Variants in COG5 observed in about 807,000 individuals in gnomAD.
COG5 encodes the protein conserved oligomeric Golgi complex subunit 5.
COG5 carries 86 observed loss-of-function variants against 110.4 expected under a neutral mutation model. The ratio of observed to expected loss-of-function variants is 0.78; its 90% CI spans 0.65 to 0.93. COG5 has a LOEUF of 0.93. Ranked by LOEUF, COG5 falls within the 40% of genes least tolerant of loss-of-function variation. COG5 has a pLI of 0.00. For missense variants in COG5, 1,077 were observed against 987.0 expected, an observed-to-expected ratio of 1.09 and a Z score of -1.22; for synonymous variants, 360 against 334.6, an observed-to-expected ratio of 1.08 and a Z score of -0.83.
At chr7:107,227,988 G>A (rs551508334) in intron 19 of COG5, among the ~76,000 whole-genome samples, 1 of 152,050 alleles carries the variant, frequency 6.6e-6, no homozygotes, top group Admixed American at 6.5e-5. Context: ...TGGGACTGGG[G>A]CTATAAAAAA....
intron 10 of COG5, among the ~76,000 whole-genome samples, chr7:107,358,609 C>T (rs1317871319): frequency 6.6e-6 from 1 of 152,006 alleles, no homozygotes; most frequent in African/African-American, 2.4e-5. Context: ...TGAGAAGGAC[C>T]CCATAATTCT....
chr7:107,513,161 T>TAATATCCAGAATCTAC (rs1799658916), intron 6 of COG5, among the ~76,000 whole-genome samples: 1 of 152,092 alleles, frequency 6.6e-6, no homozygotes, highest in Admixed American at 6.5e-5. Context: ...GACAAAGGGC[T>TAATATCCAGAATCTAC]AATATCCAGA....
At chr7:107,466,467 G>T (rs1161876030) in intron 6 of COG5, among the ~76,000 whole-genome samples, 1 of 152,154 alleles carries the variant, frequency 6.6e-6, no homozygotes, top group Non-Finnish European at 1.5e-5. Context: ...GGAAGGATGG[G>T]AAAGAATGGC....
chr7:107,506,454 G>A (rs747744191), intron 6 of COG5, among the ~76,000 whole-genome samples: 4 of 152,186 alleles, frequency 2.6e-5, no homozygotes, highest in Non-Finnish European at 4.4e-5. Flanking sequence ...AGTGGGGCAA[G>A]CAGCAGCCCC....
At chr7:107,311,835 G>A (rs1808299642) in intron 11 of COG5, among the ~76,000 whole-genome samples, 3 of 150,734 alleles carry the variant, frequency 2.0e-5, no homozygotes, top group Admixed American at 2.0e-4. Flanking sequence ...TTTTGCTCAA[G>A]GTTTTTTTCC....
At position 107,248,458 on chromosome 7, in the gene COG5, G is replaced by C. The variant is rs1802219415; in HGVS notation, c.1791C>G (p.Leu597=). ...CCTCTATAGCATCTCCCACAGAAGT[G>C]AGTAAGGGTTGCACAGCATTTTCCA... The part of the protein sequence containing the change: ...ALMENAVQPL[L]TSVGDAIEAI... The change falls in exon 17 of 22, where the codon CTC becomes CTG. Residue 597 remains leucine, a synonymous_variant. Coordinates refer to ENST00000297135, the MANE Select transcript of COG5 (RefSeq NM_006348.5). 2 of 1,610,498 alleles carry C rather than the reference G, an allele frequency of 1.2e-6. No homozygotes were observed. The highest frequency in any genetic ancestry group is 3.3e-5 in the Admixed American group (2 of 59,858).
At chr7:107,381,347 T>A (rs936632464) in intron 7 of COG5, among the ~76,000 whole-genome samples, 1 of 152,202 alleles carries the variant, frequency 6.6e-6, no homozygotes. Flanking sequence ...TTTAGCTACA[T>A]GGGATTGCCA....
chr7:107,402,732 A>T (rs115600937), intron 7 of COG5, among the ~76,000 whole-genome samples: 2,042 of 152,338 alleles, frequency 0.013, 41 homozygotes, highest in African/African-American at 0.045. Context: ...TGGCATATCT[A>T]GTCGCATGCT....
At chr7:107,245,478 C>T (rs769144527) in intron 17 of COG5, among the ~76,000 whole-genome samples, 50 of 152,166 alleles carry the variant, frequency 3.3e-4, no homozygotes, top group Non-Finnish European at 2.4e-4. Context: ...TAGTCTTGGC[C>T]CAAAAGCTCC....
At chr7:107,428,947 T>C (rs1793830295) in intron 6 of COG5, among the ~76,000 whole-genome samples, 2 of 152,154 alleles carry the variant, frequency 1.3e-5, no homozygotes, top group African/African-American at 2.4e-5. Flanking sequence ...GTTAGGAAGG[T>C]AGAACAAAAA....
chr7:107,389,043 T>A (rs1367543014), intron 7 of COG5, among the ~76,000 whole-genome samples: 1 of 152,206 alleles, frequency 6.6e-6, no homozygotes, highest in East Asian at 1.9e-4. Context: ...GCAACTCACA[T>A]AGGGTATTGA....
intron 6 of COG5, among the ~76,000 whole-genome samples, chr7:107,481,985 T>C (rs1266859762): frequency 2.6e-5 from 4 of 152,042 alleles, no homozygotes; most frequent in Non-Finnish European, 5.9e-5. Flanking sequence ...TCAGACCCTA[T>C]TGTTGTATCT....
intron 7 of COG5, among the ~76,000 whole-genome samples, chr7:107,384,806 G>T (rs1252176178): frequency 6.6e-6 from 1 of 152,142 alleles, no homozygotes; most frequent in African/African-American, 2.4e-5. Context: ...AATCCTGCTG[G>T]ATCTTTGTTT....
intron 6 of COG5, among the ~76,000 whole-genome samples, chr7:107,422,776 G>A (rs993552040): frequency 4.2e-5 from 6 of 142,194 alleles, no homozygotes; most frequent in Non-Finnish European, 1.5e-5. Flanking sequence ...TTAAAAAACT[G>A]GACTACCTTA....
chr7:107,294,879 ATTTGTG>A (rs1442536578), intron 12 of COG5, among the ~76,000 whole-genome samples: 3 of 36,936 alleles, frequency 8.1e-5, no homozygotes, highest in African/African-American at 2.6e-4. Context: ...CCATGCCTGG[ATTTGTG>A]TGTGTGTGTG....
At chr7:107,251,261 C>T (rs1239619722) in intron 16 of COG5, among the ~76,000 whole-genome samples, 1 of 151,858 alleles carries the variant, frequency 6.6e-6, no homozygotes, top group East Asian at 1.9e-4. Flanking sequence ...AAACATCTTT[C>T]AAACCCATAT....
chr7:107,462,539 G>C (rs1410333686), intron 6 of COG5, among the ~76,000 whole-genome samples: 1 of 150,698 alleles, frequency 6.6e-6, no homozygotes, highest in African/African-American at 2.4e-5. Context: ...AAACCCCAGA[G>C]GGAAAGGCAA....
chr7:107,292,874 T>C (rs1371138851), intron 12 of COG5, among the ~76,000 whole-genome samples: 1 of 152,212 alleles, frequency 6.6e-6, no homozygotes, highest in Non-Finnish European at 1.5e-5. Flanking sequence ...TTTAGATAAA[T>C]GCACACTTAC....
At chr7:107,255,319 A>G (rs1325914201) in intron 16 of COG5, among the ~76,000 whole-genome samples, 1 of 152,144 alleles carries the variant, frequency 6.6e-6, no homozygotes, top group Non-Finnish European at 1.5e-5. Context: ...GGAAAAAGGG[A>G]TATAGAGAAA....
Sources: allele counts gnomAD v4.1 joint callset (sites outside exome capture counted in the v4.1 genomes callset), GRCh38; gene constraint gnomAD v4.1.1; transcripts MANE v1.5; gene names NCBI Gene and HGNC (gene_info 2026-07-23, HGNC 2026-07-21).